Variants in IL1RAPL1 observed in about 807,000 individuals in gnomAD.
IL1RAPL1 encodes interleukin-1 receptor accessory protein-like 1.
Under a neutral mutation model 48.4 loss-of-function variants are expected in IL1RAPL1, and 3 were observed. The observed-to-expected ratio is 0.06, with a 90% confidence interval of 0.03 to 0.16. The LOEUF is 0.16. Among genes scored for constraint, IL1RAPL1 ranks in the 10% least tolerant of loss-of-function variants. IL1RAPL1 has a pLI of 1.00. For missense variants in IL1RAPL1, 349 were observed against 530.6 expected, an observed-to-expected ratio of 0.66 and a Z score of 3.36; for synonymous variants, 185 against 187.7, an observed-to-expected ratio of 0.99 and a Z score of 0.12.
chrX:29,931,885 A>G (rs1932953897), intron 8 of IL1RAPL1, among the ~76,000 whole-genome samples: 1 of 112,537 alleles, frequency 8.9e-6, no homozygotes, highest in African/African-American at 3.2e-5. Context: ...CTCTCAAGAG[A>G]TGTTTTGTAA....
intron 5 of IL1RAPL1, among the ~76,000 whole-genome samples, chrX:29,439,996 TGTG>T (rs1934528640): frequency 4.8e-5 from 1 of 20,960 alleles, no homozygotes; most frequent in Non-Finnish European, 7.8e-5. Context: ...GACACGTGTG[TGTG>T]TGTGTGTGTG....
intron 9 of IL1RAPL1, among the ~76,000 whole-genome samples, chrX:29,945,907 C>T (rs1024767331): frequency 6.3e-5 from 7 of 111,285 alleles, no homozygotes; most frequent in Non-Finnish European, 1.3e-4. Flanking sequence ...TATAACCTTA[C>T]ATTTTATTAT....
At chrX:29,445,475 A>C (rs1481565555) in intron 5 of IL1RAPL1, among the ~76,000 whole-genome samples, 1 of 111,934 alleles carries the variant, frequency 8.9e-6, no homozygotes, top group Non-Finnish European at 1.9e-5. Context: ...TGGGAACCCC[A>C]CTGGCCTAAA....
At chrX:29,918,144 A>AAAAAAAAAAAAAAAT (rs1555935868) in intron 7 of IL1RAPL1, among the ~76,000 whole-genome samples, 1 of 23,767 alleles carries the variant, frequency 4.2e-5, no homozygotes, top group African/African-American at 2.4e-4. Context: ...AAAAAAAAAA[A>AAAAAAAAAAAAAAAT]ATATATATAT....
intron 5 of IL1RAPL1, among the ~76,000 whole-genome samples, chrX:29,520,137 A>G (rs1056886431): frequency 3.6e-5 from 4 of 112,203 alleles, no homozygotes; most frequent in African/African-American, 1.3e-4. Flanking sequence ...TATTTTCCTT[A>G]ATGTTTATTA....
At chrX:28,927,892 C>T (rs939193433) in intron 2 of IL1RAPL1, among the ~76,000 whole-genome samples, 1 of 111,132 alleles carries the variant, frequency 9.0e-6, no homozygotes, top group Middle Eastern at 4.6e-3. Flanking sequence ...TTAAGTCATC[C>T]AATCTAATGT....
intron 2 of IL1RAPL1, among the ~76,000 whole-genome samples, chrX:28,948,692 A>AT (rs756743822): frequency 6.3e-4 from 70 of 111,443 alleles, no homozygotes; most frequent in African/African-American, 2.0e-3. Flanking sequence ...CATTCAACAC[A>AT]TGTCTAAATG....
chrX:29,833,218 C>G (rs761021902), intron 6 of IL1RAPL1, among the ~76,000 whole-genome samples: 39 of 111,712 alleles, frequency 3.5e-4, no homozygotes, highest in Non-Finnish European at 5.7e-4. Flanking sequence ...CACATATATA[C>G]ACATATGCAC....
intron 6 of IL1RAPL1, among the ~76,000 whole-genome samples, chrX:29,813,005 C>G (rs768002236): frequency 9.0e-6 from 1 of 111,394 alleles, no homozygotes; most frequent in African/African-American, 3.3e-5. Context: ...CTAGACTCCC[C>G]GTGCCCTGTG....
chrX:28,835,810 T>G (rs906902964), intron 2 of IL1RAPL1, among the ~76,000 whole-genome samples: 1 of 111,451 alleles, frequency 9.0e-6, no homozygotes, highest in African/African-American at 3.3e-5. Context: ...ATAAAGTTCA[T>G]TTATACTTTC....
chrX:29,924,366 G>T (rs1470338993), intron 8 of IL1RAPL1, among the ~76,000 whole-genome samples: 19 of 111,948 alleles, frequency 1.7e-4, no homozygotes, highest in Admixed American at 1.2e-3. Context: ...CTTTATAATA[G>T]ATATACTGTG....
chrX:29,023,765 T>A (rs1441729241), intron 2 of IL1RAPL1, among the ~76,000 whole-genome samples: 2 of 112,049 alleles, frequency 1.8e-5, no homozygotes, highest in Non-Finnish European at 3.8e-5. Flanking sequence ...TCTGTATCGA[T>A]TAGATAAATA....
At chrX:29,575,751 C>T (rs1379439497) in intron 5 of IL1RAPL1, among the ~76,000 whole-genome samples, 6 of 112,283 alleles carry the variant, frequency 5.3e-5, no homozygotes, top group Non-Finnish European at 9.4e-5. Context: ...TCCTGAATGA[C>T]GTTGGCCTGT....
At chrX:28,660,693 G>C (rs1383087122) in intron 1 of IL1RAPL1, among the ~76,000 whole-genome samples, 1 of 111,516 alleles carries the variant, frequency 9.0e-6, no homozygotes, top group Non-Finnish European at 1.9e-5. Flanking sequence ...TCAGGGAATA[G>C]ATATGATGAG....
intron 9 of IL1RAPL1, among the ~76,000 whole-genome samples, chrX:29,952,204 G>C (rs1236105546): frequency 8.9e-6 from 1 of 112,015 alleles, no homozygotes; most frequent in Non-Finnish European, 1.9e-5. Context: ...TAAGCCTAGA[G>C]AAGATATGAG....
chrX:29,545,795 TG>T (rs1921608119), intron 5 of IL1RAPL1, among the ~76,000 whole-genome samples: 1 of 112,244 alleles, frequency 8.9e-6, no homozygotes, highest in Admixed American at 9.5e-5. Context: ...TGAACATTCT[TG>T]TAACTATTTT....
intron 6 of IL1RAPL1, among the ~76,000 whole-genome samples, chrX:29,722,528 T>C (rs906474669): frequency 8.9e-6 from 1 of 112,178 alleles, no homozygotes; most frequent in Admixed American, 9.5e-5. Context: ...GAGTGATAAA[T>C]CTTTTTTGCA....
chrX:28,627,202 G>A (rs932170764), intron 1 of IL1RAPL1, among the ~76,000 whole-genome samples: 1 of 111,914 alleles, frequency 8.9e-6, no homozygotes, highest in African/African-American at 3.2e-5. Flanking sequence ...GGAAAGTGAG[G>A]CAAATGCTAA....
At chrX:29,135,873 T>C (rs1929114631) in intron 2 of IL1RAPL1, among the ~76,000 whole-genome samples, 1 of 111,005 alleles carries the variant, frequency 9.0e-6, no homozygotes, top group East Asian at 2.9e-4. Flanking sequence ...TAACTGGGAC[T>C]ACAGGCACAC....
Sources: gnomAD v4.1 joint callset for allele counts (sites outside exome capture counted in the v4.1 genomes callset) on GRCh38, gnomAD v4.1.1 for gene constraint, MANE v1.5 for transcripts, NCBI Gene and HGNC (gene_info 2026-07-23, HGNC 2026-07-21) for gene names.